The following ZNF862 variants were observed in gnomAD, a reference collection of about 807,000 sequenced individuals.
The protein encoded by ZNF862 is zinc finger protein 862.
ZNF862 carries 64 observed loss-of-function variants against 91.1 expected under a neutral mutation model. The observed-to-expected ratio is 0.70, with a 90% confidence interval of 0.57 to 0.87. The LOEUF is 0.87. Among genes scored for constraint, ZNF862 ranks in the 40% least tolerant of loss-of-function variants. ZNF862 has a pLI of 0.00. For missense variants in ZNF862, 1,459 were observed against 1,528.0 expected (o/e 0.95, Z 0.75); for synonymous variants, 631 against 618.1 (o/e 1.02, Z -0.31).
At chr7:149,859,563 C>T (rs1450317989) in intron 6 of ZNF862, 37 bp downstream of exon 6, 26 of 1,494,156 alleles carry the variant, frequency 1.7e-5, no homozygotes, top group Non-Finnish European at 2.3e-5. Context: ...AGGACATGTG[C>T]CAGGGCCCAG....
rs1454735900 is a variant in ZNF862 at position 149,867,062 on chromosome 7, C to T, written c.*2778C>T. 2 of 152,222 alleles carry T rather than the reference C, an allele frequency of 1.3e-5. No individual in the cohort carries two copies. Among genetic ancestry groups the T allele is most frequent in the African/African-American group, 2.4e-5 (1 of 41,428 alleles). 9.4% of individuals were successfully genotyped at this position (152,222 alleles called of 1,614,324 possible). On this transcript the variant is annotated 3_prime_UTR_variant, in exon 8 of 8. Transcript: ENST00000223210. ...CCTTGCCTGTAGTCTTGACAGCATC[C>T]GTATGTACGTGTCCTGGCATTTCCC...
intron 5 of ZNF862, chr7:149,858,850 G>C (rs959698430): frequency 1.6e-5 from 2 of 123,446 alleles, no homozygotes; most frequent in African/African-American, 6.3e-5. Context: ...ACAAAGGCCA[G>C]CTGTGGGGGC....
At position 149,863,298 on chromosome 7, in the gene ZNF862, TC is replaced by T. The variant is rs1447677247; in HGVS notation, c.3334+805del. The stretch of plus-strand genomic sequence containing the variant: ...AAGGATGGAGCAGTGCTCTCTCTCC[TC>T]GCGTCTCTAGCTGGCCTCCTTCCGG... On this transcript the variant is annotated intron_variant, in intron 7 of 7. Transcript: ENST00000223210. Among the ~76,000 whole-genome samples, 1,453 of 146,242 alleles carry T rather than the reference TC, an allele frequency of 9.9e-3. 27 individuals carry two copies. Among genetic ancestry groups the T allele is most frequent in the African/African-American group, 0.038 (1,374 of 36,134 alleles).
chr7:149,845,034 C>T (rs942271619), intron 2 of ZNF862: 5 of 336,694 alleles, frequency 1.5e-5, no homozygotes, highest in Admixed American at 4.8e-5. Flanking sequence ...GAGGGAAACT[C>T]GGAAACTAGG....
chr7:149,854,561 T>A (rs1483458954), intron 5 of ZNF862, among the ~76,000 whole-genome samples: 1 of 152,224 alleles, frequency 6.6e-6, no homozygotes, highest in Non-Finnish European at 1.5e-5. Flanking sequence ...TCATGTATTA[T>A]CTCACAACTC....
At chr7:149,847,276 C>T (rs1801902371) in intron 3 of ZNF862, among the ~76,000 whole-genome samples, 2 of 152,202 alleles carry the variant, frequency 1.3e-5, no homozygotes, top group Admixed American at 1.3e-4. Context: ...GGAAAACTAC[C>T]TGGGGACCAA....
chr7:149,838,667 C>A, intron 1 of ZNF862, 32 bp downstream of exon 1: 2 of 1,209,296 alleles, frequency 1.7e-6, no homozygotes, highest in South Asian at 8.5e-5. Flanking sequence ...GCCGCCCGCT[C>A]CCTCCCGAGG....
intron 4 of ZNF862, among the ~76,000 whole-genome samples, chr7:149,849,205 G>A (rs566357824): frequency 2.0e-5 from 3 of 152,300 alleles, no homozygotes; most frequent in East Asian, 3.9e-4. Flanking sequence ...CTGTGAGGCC[G>A]GTAGAGCAGG....
rs768664937 is a variant in ZNF862, at chr7:149,864,344, T to C, written c.*60T>C. ...CCTCTGTGATCACTGGGACAGGCTC[T>C]GCAGATTCTAGGCTGCCCTAGGATC... On this transcript the variant is annotated 3_prime_UTR_variant, in exon 8 of 8. Transcript: ENST00000223210. 6.6e-7 allele frequency: 1 copy of C among 1,504,240 alleles called. No individual in the cohort carries two copies. The highest frequency in any genetic ancestry group is 2.1e-5 in the Admixed American group (1 of 46,632). The allele number at this position is 1,504,240 out of a possible 1,614,324, so 93.2% of individuals were successfully genotyped here.
rs924400612 is a variant in ZNF862, at chr7:149,850,136, G to A, written c.940-25G>A. 6 of 1,551,368 alleles carry A rather than the reference G, an allele frequency of 3.9e-6. 1 individual carries two copies. The Admixed American group carries it at 9.8e-5, about 25-fold the overall frequency. ...GGAGTCTGGCTCGGCAGGCGGTGCT[G>A]AGTGGCCGCTGCTCTTTGTTCCAGG... On this transcript the variant is annotated intron_variant, in intron 4 of 7. Coordinates refer to ENST00000223210, the MANE Select transcript of ZNF862 (RefSeq NM_001099220.3). This position sits in a 1 kb window ranked among gnomAD's most constrained non-coding sequence, Gnocchi z 4.2.
At chr7:149,844,577 A>G (rs1801808488) in intron 1 of ZNF862, 48 bp from the exon 2 acceptor site, 2 of 1,402,380 alleles carry the variant, frequency 1.4e-6, no homozygotes, top group Non-Finnish European at 2.0e-6. Flanking sequence ...TTTGGAAGAT[A>G]AATCTAAGGA....
chr7:149,867,070 C>T lies in ZNF862; in HGVS notation c.*2786C>T, dbSNP rs1434555150. ...GTAGTCTTGACAGCATCCGTATGTA[C>T]GTGTCCTGGCATTTCCCCTCCCTCT... is the stretch of plus-strand genomic sequence containing the variant. On this transcript the variant is annotated 3_prime_UTR_variant, in exon 8 of 8. Coordinates refer to ENST00000223210, the MANE Select transcript of ZNF862 (RefSeq NM_001099220.3). 2 of 152,280 alleles carry T rather than the reference C, an allele frequency of 1.3e-5. No individual in the cohort carries two copies. 9.4% of individuals were successfully genotyped at this position (152,280 alleles called of 1,614,324 possible).
At position 149,864,111 on chromosome 7, in the gene ZNF862, G is replaced by A. The variant is rs962599820; in HGVS notation, c.3337G>A (p.Ala1113Thr). 3.8e-6 allele frequency: 6 copies of A among 1,576,190 alleles called. No individual in the cohort carries two copies. Among genetic ancestry groups the A allele is most frequent in the East Asian group, 2.3e-5 (1 of 42,910 alleles). ...GTATTCTCCTTCCTCCCTCACAGGC[G>A]CCAGGCTCAGGAAGGAGGAGATGGG... The part of the protein sequence containing the change: ...AQVPARSPAS[A>T]RLRKEEMGAL... The change falls in exon 8 of 8, where the codon GCC becomes ACC. Residue 1113 changes from alanine (A) to threonine (T), a missense_variant and splice_region_variant. By Grantham distance (58) the Ala-to-Thr change is moderately conservative. Coordinates refer to ENST00000223210, the MANE Select transcript of ZNF862 (RefSeq NM_001099220.3).
intron 7 of ZNF862, 60 bp from the exon 8 acceptor site, chr7:149,864,049 T>C (rs890573048): frequency 1.3e-5 from 20 of 1,512,180 alleles, no homozygotes; most frequent in Non-Finnish European, 1.6e-5. Flanking sequence ...TGGGCGAAGC[T>C]GGATGTGGAA....
At chr7:149,857,116 G>A (rs1235228044) in intron 5 of ZNF862, among the ~76,000 whole-genome samples, 2 of 152,092 alleles carry the variant, frequency 1.3e-5, no homozygotes, top group Non-Finnish European at 2.9e-5. Flanking sequence ...TTTATATAAA[G>A]TGTGTTTTTA....
At chr7:149,856,306 G>A (rs1802263784) in intron 5 of ZNF862, 2 of 152,098 alleles carry the variant, frequency 1.3e-5, no homozygotes, top group Admixed American at 1.3e-4. Context: ...ATGGAGATAC[G>A]GCCCTGTTAC....
At chr7:149,840,894 C>G in intron 1 of ZNF862, 1 of 969,958 alleles carries the variant, frequency 1.0e-6, no homozygotes. Context: ...AGAACTTATC[C>G]CTGTTGTTAA....
At chr7:149,843,175 G>C (rs531952137) in intron 1 of ZNF862, among the ~76,000 whole-genome samples, 2 of 152,202 alleles carry the variant, frequency 1.3e-5, no homozygotes, top group South Asian at 4.2e-4. Context: ...GTCAACATGA[G>C]AAAAATCTAT....
chr7:149,850,402 C>T lies in ZNF862; in HGVS notation c.1117+64C>T. 6.6e-7 allele frequency: 1 copy of T among 1,515,006 alleles called. No homozygotes were observed. The allele number at this position is 1,515,006 out of a possible 1,614,324, so 93.8% of individuals were successfully genotyped here. A position where few individuals can be genotyped will look rare whatever the true frequency, so the allele number is the denominator to read the frequency against. On this transcript the variant is annotated intron_variant, in intron 5 of 7. Coordinates refer to ENST00000223210, the MANE Select transcript of ZNF862 (RefSeq NM_001099220.3). The surrounding 1 kb of genome is among the most constrained non-coding windows in gnomAD (Gnocchi z 4.2). Reference sequence around the variant, plus strand: ...TGACTTGGGAAGCCCACAAGGGGAGCTGTGGCTTGTGGTTATCTTCCCATT... The same window carrying T: ...TGACTTGGGAAGCCCACAAGGGGAGTTGTGGCTTGTGGTTATCTTCCCATT...
Sources: gnomAD v4.1 joint callset for allele counts (sites outside exome capture counted in the v4.1 genomes callset) on GRCh38, gnomAD v4.1.1 for gene constraint, Gnocchi (gnomAD v3.1) non-coding constraint, MANE v1.5 for transcripts, NCBI Gene and HGNC (gene_info 2026-07-23, HGNC 2026-07-21) for gene names.